Variants in INPP4A observed in about 807,000 individuals in gnomAD.
The protein encoded by INPP4A is inositol polyphosphate-4-phosphatase type I A, also known as inositol polyphosphate-4-phosphatase, type I, 107kD.
Under a neutral mutation model 119.8 loss-of-function variants are expected in INPP4A, and 33 were observed. The observed-to-expected ratio is 0.28, with a 90% CI of 0.21 to 0.37. The LOEUF (loss-of-function observed/expected upper bound fraction) is 0.37. Among genes scored for constraint, INPP4A ranks in the 10% least tolerant of loss-of-function variants. The probability of loss-of-function intolerance (pLI) is 1.00; values close to 1 mark genes in which losing one functional copy is unlikely to be tolerated. For synonymous variants in INPP4A, 496 were observed against 500.7 expected (o/e 0.99, Z 0.12); for missense variants, 956 against 1,289.9 (o/e 0.74, Z 3.97).
intron 24 of INPP4A, among the ~76,000 whole-genome samples, chr2:98,584,719 T>C (rs1460423853): frequency 6.6e-6 from 1 of 152,260 alleles, no homozygotes; most frequent in African/African-American, 2.4e-5. Context: ...CTTGGAGAGC[T>C]AGCAAAAGGA....
intron 24 of INPP4A, 68 bp downstream of exon 24, chr2:98,577,211 C>T: frequency 6.8e-7 from 1 of 1,465,212 alleles, no homozygotes; most frequent in Non-Finnish European, 9.2e-7. Flanking sequence ...TGAGCTGGTA[C>T]CCTGCTCCTG....
intron 13 of INPP4A, chr2:98,552,491 G>C (rs1297881088): frequency 2.0e-6 from 1 of 495,256 alleles, no homozygotes. Context: ...GGGTGATTAT[G>C]GGATATGATT....
At chr2:98,466,107 G>A (rs1203648755) in intron 1 of INPP4A, among the ~76,000 whole-genome samples, 6 of 152,150 alleles carry the variant, frequency 3.9e-5, no homozygotes, top group Non-Finnish European at 8.8e-5. Context: ...ATGCAGTGGC[G>A]TGATCTCTGC....
At chr2:98,501,540 C>G (rs568783643) in intron 1 of INPP4A, among the ~76,000 whole-genome samples, 1 of 151,990 alleles carries the variant, frequency 6.6e-6, no homozygotes, top group African/African-American at 2.4e-5. Context: ...CCCCCCAGCC[C>G]CCCATTCTCT....
At chr2:98,585,160 C>A (rs1699817277) in intron 24 of INPP4A, among the ~76,000 whole-genome samples, 1 of 152,120 alleles carries the variant, frequency 6.6e-6, no homozygotes, top group Admixed American at 6.5e-5. Context: ...TGGCTTGATT[C>A]CAGCAGAGAT....
At chr2:98,468,559 G>A (rs958134805) in intron 1 of INPP4A, among the ~76,000 whole-genome samples, 1 of 152,036 alleles carries the variant, frequency 6.6e-6, no homozygotes, top group African/African-American at 2.4e-5. Flanking sequence ...AATTTATAAG[G>A]TGCCACTAGG....
intron 1 of INPP4A, among the ~76,000 whole-genome samples, chr2:98,514,121 T>C (rs112624694): frequency 0.01 from 1,577 of 152,260 alleles, 44 homozygotes; most frequent in African/African-American, 0.036. Context: ...ACAGCTCTAG[T>C]AGAGCCACTT....
chr2:98,447,537 T>C (rs17031804), intron 1 of INPP4A, among the ~76,000 whole-genome samples: 2,359 of 152,200 alleles, frequency 0.015, 69 homozygotes, highest in African/African-American at 0.054. Flanking sequence ...TATGCACATG[T>C]TATTCTCTAA....
rs781261631 is a variant in INPP4A at position 98,593,484 on chromosome 2, TAA to T, written c.*5877_*5878del. The T allele has an allele frequency of 6.6e-6, 1 of 152,298 alleles. No individual in the cohort carries two copies. Among genetic ancestry groups the T allele is most frequent in the Non-Finnish European group, 1.5e-5 (1 of 68,048 alleles). 9.4% of individuals were successfully genotyped at this position (152,298 alleles called of 1,614,324 possible). A position where few individuals can be genotyped will look rare whatever the true frequency, so the allele number is the denominator to read the frequency against. ...GTTCTCCTGGGTTCCCTTTCTCACT[TAA>T]GATGATCTTCCTGAAAAATCTTACA... On this transcript the variant is annotated 3_prime_UTR_variant, in exon 25 of 25. Transcript: ENST00000409851.
At position 98,563,644 on chromosome 2, in the gene INPP4A, C is replaced by G; in HGVS notation, c.2028+7C>G. 6.2e-7 allele frequency: 1 copy of G among 1,611,804 alleles called. No homozygotes were observed. Among genetic ancestry groups the G allele is most frequent in the East Asian group, 2.2e-5 (1 of 44,864 alleles). ...CGTGGTCTTCTGCCAGACGGTAGGC[C>G]CCGGGAGCACCCCGAGGGAGACCAC... On this transcript the variant is annotated splice_region_variant and intron_variant, in intron 18 of 24. Coordinates refer to ENST00000409851, the MANE Select transcript of INPP4A (RefSeq NM_001134225.2).
intron 4 of INPP4A, among the ~76,000 whole-genome samples, chr2:98,528,562 G>A (rs1039021030): frequency 6.6e-6 from 1 of 152,026 alleles, no homozygotes; most frequent in African/African-American, 2.4e-5. Flanking sequence ...GAAGCCCAAT[G>A]AACTCCACAT....
intron 13 of INPP4A, among the ~76,000 whole-genome samples, chr2:98,547,867 G>T (rs142391707): frequency 6.6e-6 from 1 of 152,012 alleles, no homozygotes; most frequent in Non-Finnish European, 1.5e-5. Context: ...GGGCTGGGGA[G>T]GGTCAGACTC....
At chr2:98,495,031 A>G (rs1681650876) in intron 1 of INPP4A, among the ~76,000 whole-genome samples, 1 of 152,178 alleles carries the variant, frequency 6.6e-6, no homozygotes, top group Non-Finnish European at 1.5e-5. Context: ...TGGGGAGGGG[A>G]ATATACTTCA....
chr2:98,540,203 A>G (rs901945791), intron 10 of INPP4A, among the ~76,000 whole-genome samples: 2 of 152,204 alleles, frequency 1.3e-5, no homozygotes, highest in Non-Finnish European at 2.9e-5. Flanking sequence ...AAGTGCTGGG[A>G]TTACAGGTGT....
At chr2:98,466,285 A>G (rs536819315) in intron 1 of INPP4A, among the ~76,000 whole-genome samples, 7 of 152,212 alleles carry the variant, frequency 4.6e-5, no homozygotes, top group South Asian at 2.1e-4. Flanking sequence ...ACCTCAAGCA[A>G]TCTGCCCGCC....
chr2:98,563,358 G>A lies in INPP4A; in HGVS notation c.1856-107G>A, dbSNP rs926008161. 5.1e-6 allele frequency: 5 copies of A among 984,874 alleles called. No homozygotes were observed. The African/African-American group carries it at 8.1e-5, about 16-fold the overall frequency. The allele number at this position is 984,874 out of a possible 1,614,324, so 61.0% of individuals were successfully genotyped here. On this transcript the variant is annotated intron_variant, in intron 17 of 24. Transcript: ENST00000409851. ...GCTGGAAGATGAGGTGGAGATGGGGGAGTGGGAGGACTGCAGTGGTTAGGG... is the reference window on the plus strand; with the variant it reads ...GCTGGAAGATGAGGTGGAGATGGGGAAGTGGGAGGACTGCAGTGGTTAGGG...
At chr2:98,572,982 A>G (rs1697751540) in intron 23 of INPP4A, 55 bp downstream of exon 23, 1 of 1,274,248 alleles carries the variant, frequency 7.8e-7, no homozygotes, top group Non-Finnish European at 1.1e-6. Context: ...GCTGAACGTC[A>G]TGACAGAAAC....
In INPP4A at chr2:98,552,898, C is replaced by T. The variant is rs1392799869; in HGVS notation, c.1276C>T (p.Arg426Trp). The change falls in exon 14 of 25, where the codon CGG becomes TGG. Residue 426 changes from arginine to tryptophan, a missense_variant. Transcript: ENST00000409851. ...LKTQVSYYAE[R>W]LSRAAKDRSA... ...AACCCAAGTGAGTTACTACGCAGAG[C>T]GGCTGTCAAGGGCAGCCAAGGACAG... The T allele has an allele frequency of 4.3e-6, 7 of 1,613,714 alleles. No homozygotes were observed. The highest frequency in any genetic ancestry group is 5.9e-6 in the Non-Finnish European group (7 of 1,179,720).
At chr2:98,513,169 C>G (rs1490718781) in intron 1 of INPP4A, among the ~76,000 whole-genome samples, 1 of 152,060 alleles carries the variant, frequency 6.6e-6, no homozygotes, top group Non-Finnish European at 1.5e-5. Context: ...ATCGTAGGCC[C>G]AACTCCTCCT....
Sources: allele counts gnomAD v4.1 joint callset (sites outside exome capture counted in the v4.1 genomes callset), GRCh38; gene constraint gnomAD v4.1.1; transcripts MANE v1.5; gene names NCBI Gene and HGNC (gene_info 2026-07-23, HGNC 2026-07-21).